ATG7: variants seen among roughly 807,000 people sequenced by gnomAD.
ATG7 encodes the protein autophagy related 7.
Under a neutral mutation model 82.4 loss-of-function variants are expected in ATG7, and 70 were observed. That is an observed-to-expected ratio of 0.85 (90% CI 0.70 to 1.04). The LOEUF is 1.04. Among genes scored for constraint, ATG7 ranks in the 50% least tolerant of loss-of-function variants. ATG7 has a pLI of 0.00. For missense variants in ATG7, 792 were observed against 864.3 expected, an observed-to-expected ratio of 0.92 and a Z score of 1.05; for synonymous variants, 287 against 313.0, an observed-to-expected ratio of 0.92 and a Z score of 0.88.
At chr3:11,543,150 T>G (rs1297689346) in intron 20 of ATG7, among the ~76,000 whole-genome samples, 3 of 152,238 alleles carry the variant, frequency 2.0e-5, no homozygotes, top group African/African-American at 7.2e-5. Flanking sequence ...TTTTCTCCTT[T>G]TAATCTCCTC....
At chr3:11,491,584 T>C (rs892399515) in intron 20 of ATG7, among the ~76,000 whole-genome samples, 2 of 152,204 alleles carry the variant, frequency 1.3e-5, no homozygotes, top group African/African-American at 4.8e-5. Context: ...TGCTCTGTTT[T>C]TTCCCCGTCT....
At chr3:11,281,821 T>A (rs561983220) in intron 2 of ATG7, among the ~76,000 whole-genome samples, 1 of 151,878 alleles carries the variant, frequency 6.6e-6, no homozygotes, top group Non-Finnish European at 1.5e-5. Context: ...AATCAAACAT[T>A]TTGAAAATCG....
chr3:11,401,790 T>A (rs1030579479), intron 19 of ATG7, among the ~76,000 whole-genome samples: 1 of 152,204 alleles, frequency 6.6e-6, no homozygotes, highest in Non-Finnish European at 1.5e-5. Flanking sequence ...CTATAAGCTC[T>A]AAGTAATGGA....
In ATG7 at chr3:11,347,965, A is replaced by G; in HGVS notation, c.1214A>G (p.Asp405Gly). 1 of 1,614,170 alleles carries G rather than the reference A, an allele frequency of 6.2e-7. No individual in the cohort carries two copies. Among genetic ancestry groups the G allele is most frequent in the Non-Finnish European group, 8.5e-7 (1 of 1,180,008 alleles). Residue 405 changes from aspartate (D) to glycine (G), a missense_variant, in exon 14 of 21, where the codon GAT becomes GGT. Transcript: ENST00000693202. Reference sequence around the variant, plus strand: ...AGGCAGCCTCTCTATGAGTTTGAAGATTGCCTAGGGGGTGGTAAGCCCAAG... The same window carrying G: ...AGGCAGCCTCTCTATGAGTTTGAAGGTTGCCTAGGGGGTGGTAAGCCCAAG... ...PVRQPLYEFE[D>G]CLGGGKPKAL...
At chr3:11,459,892 G>T (rs140592252) in intron 20 of ATG7, among the ~76,000 whole-genome samples, 1 of 152,178 alleles carries the variant, frequency 6.6e-6, no homozygotes, top group African/African-American at 2.4e-5. Context: ...TATTCTAACC[G>T]TATTAACATA....
chr3:11,554,988 A>C lies in ATG7; in HGVS notation c.*145A>C. Reference sequence around the variant, plus strand: ...TCTGGGATTCCCCCCTCTGCTGCCCAGGAGTGGCCAGTGTTCGGCGTTGCT... The same window carrying C: ...TCTGGGATTCCCCCCTCTGCTGCCCCGGAGTGGCCAGTGTTCGGCGTTGCT... On this transcript the variant is annotated 3_prime_UTR_variant, in exon 21 of 21. Coordinates refer to ENST00000693202, the MANE Select transcript of ATG7 (RefSeq NM_001349232.2). The C allele has an allele frequency of 9.9e-7, 1 of 1,014,564 alleles. No individual in the cohort carries two copies. The highest frequency in any genetic ancestry group is 1.7e-5 in the South Asian group (1 of 58,722). 62.8% of individuals were successfully genotyped at this position (1,014,564 alleles called of 1,614,324 possible).
At chr3:11,559,904 A>G (rs1327202800), downstream of ATG7, among the ~76,000 whole-genome samples, 1 of 152,144 alleles carries the variant, frequency 6.6e-6, no homozygotes, top group Non-Finnish European at 1.5e-5. Context: ...AACTGGAAGC[A>G]TTTTGCTTGA....
intron 20 of ATG7, among the ~76,000 whole-genome samples, chr3:11,546,008 T>A (rs1181144405): frequency 6.6e-6 from 1 of 152,062 alleles, no homozygotes; most frequent in Admixed American, 6.6e-5. Context: ...TGTGGTGGCA[T>A]ATGCCTGTAG....
chr3:11,475,868 G>GAC (rs3219674), intron 20 of ATG7, among the ~76,000 whole-genome samples: 9,969 of 111,104 alleles, frequency 0.09, 364 homozygotes, highest in African/African-American at 0.11. Context: ...CTGTCTCTGA[G>GAC]ACACACACAC....
At chr3:11,516,455 A>G (rs993649001) in intron 20 of ATG7, among the ~76,000 whole-genome samples, 2 of 152,232 alleles carry the variant, frequency 1.3e-5, no homozygotes, top group African/African-American at 2.4e-5. Context: ...ACCGAATGGT[A>G]GTGAGAATGT....
At position 11,362,889 on chromosome 3, in the gene ATG7, C is replaced by T. The variant is rs1429122257; in HGVS notation, c.1760C>T (p.Ala587Val). Residue 587 changes from alanine (A) to valine (V), a missense_variant, in exon 17 of 21, where the codon GCC becomes GTC. By Grantham distance (64) the Ala-to-Val change is moderately conservative (BLOSUM62 0). Coordinates refer to ENST00000693202, the MANE Select transcript of ATG7 (RefSeq NM_001349232.2). ...CTGGCCGTGATTGCAGGAGCCCTGGCCGTGGAATTGATGGTATCTGTTTTG... is the reference window on the plus strand; with the variant it reads ...CTGGCCGTGATTGCAGGAGCCCTGGTCGTGGAATTGATGGTATCTGTTTTG... ...PGLAVIAGALAVELMVSVLQH... is the reference protein window; with the variant it reads ...PGLAVIAGALVVELMVSVLQH... The T allele has an allele frequency of 6.2e-7, 1 of 1,613,964 alleles. No individual in the cohort carries two copies. The highest frequency in any genetic ancestry group is 8.5e-7 in the Non-Finnish European group (1 of 1,179,956).
At chr3:11,399,396 C>T (rs529191484) in intron 19 of ATG7, among the ~76,000 whole-genome samples, 2 of 151,902 alleles carry the variant, frequency 1.3e-5, no homozygotes, top group East Asian at 1.9e-4. Flanking sequence ...ATTTATAGTT[C>T]AATGTTAAAA....
At chr3:11,280,603 G>C (rs1942876541) in intron 1 of ATG7, among the ~76,000 whole-genome samples, 1 of 152,198 alleles carries the variant, frequency 6.6e-6, no homozygotes, top group African/African-American at 2.4e-5. Flanking sequence ...AAATAGGCCT[G>C]CCATTCCAGA....
At chr3:11,421,757 C>A (rs2081960184) in intron 19 of ATG7, among the ~76,000 whole-genome samples, 1 of 152,176 alleles carries the variant, frequency 6.6e-6, no homozygotes, top group Non-Finnish European at 1.5e-5. Context: ...TGTATGGCAG[C>A]TATTGCCTTA....
At chr3:11,430,693 C>T (rs2082794069) in intron 20 of ATG7, among the ~76,000 whole-genome samples, 1 of 152,148 alleles carries the variant, frequency 6.6e-6, no homozygotes. Flanking sequence ...AGACACTGAC[C>T]CTCAAGGGCT....
At chr3:11,433,770 C>T (rs1250193168) in intron 20 of ATG7, among the ~76,000 whole-genome samples, 1 of 152,170 alleles carries the variant, frequency 6.6e-6, no homozygotes, top group Non-Finnish European at 1.5e-5. Flanking sequence ...AATTACAGTG[C>T]ACCATTAATA....
chr3:11,337,361 G>A (rs903789765), intron 11 of ATG7, among the ~76,000 whole-genome samples: 2 of 152,140 alleles, frequency 1.3e-5, no homozygotes, highest in Non-Finnish European at 2.9e-5. Flanking sequence ...GCTGAGGCAG[G>A]AGAATCGCTT....
intron 3 of ATG7, among the ~76,000 whole-genome samples, chr3:11,297,105 C>A (rs754889183): frequency 6.6e-6 from 1 of 152,124 alleles, no homozygotes; most frequent in Non-Finnish European, 1.5e-5. Flanking sequence ...TGCCTGTAAT[C>A]GCAGCACTTT....
intron 20 of ATG7, among the ~76,000 whole-genome samples, chr3:11,465,876 T>C (rs999047509): frequency 4.6e-5 from 7 of 152,198 alleles, no homozygotes; most frequent in Non-Finnish European, 7.3e-5. Flanking sequence ...GGAAAGCCCC[T>C]GGTTAGCTTT....
Sources: allele counts gnomAD v4.1 joint callset (sites outside exome capture counted in the v4.1 genomes callset), GRCh38; gene constraint gnomAD v4.1.1; transcripts MANE v1.5; gene names NCBI Gene and HGNC (gene_info 2026-07-23, HGNC 2026-07-21).